RIMS2: variants seen among roughly 807,000 people sequenced by gnomAD.
RIMS2 encodes regulating synaptic membrane exocytosis protein 2.
A neutral mutation model predicts 174.4 loss-of-function variants in RIMS2; 59 were observed. The observed-to-expected ratio is 0.34, with a 90% CI of 0.27 to 0.42. RIMS2 has a LOEUF of 0.42. Among genes scored for constraint, RIMS2 ranks in the 10% least tolerant of loss-of-function variants. RIMS2 has a pLI of 1.00. For missense variants in RIMS2, 1,620 were observed against 1,666.3 expected (o/e 0.97, Z 0.48); for synonymous variants, 606 against 572.5 (o/e 1.06, Z -0.84).
chr8:103,761,066 T>A (rs2098107529), intron 2 of RIMS2, among the ~76,000 whole-genome samples: 1 of 152,222 alleles, frequency 6.6e-6, no homozygotes, highest in African/African-American at 2.4e-5. Context: ...TCATACGTGC[T>A]AACAACCAGC....
chr8:104,164,282 T>G (rs890106657), intron 19 of RIMS2, among the ~76,000 whole-genome samples: 1 of 152,168 alleles, frequency 6.6e-6, no homozygotes, highest in Non-Finnish European at 1.5e-5. Flanking sequence ...TGTGAAATTA[T>G]CTTACTGGAA....
intron 17 of RIMS2, among the ~76,000 whole-genome samples, chr8:104,009,534 C>G (rs1053934320): frequency 6.6e-6 from 1 of 151,978 alleles, no homozygotes; most frequent in Admixed American, 6.6e-5. Flanking sequence ...TAAGCTCAAG[C>G]CATCTGTCTG....
chr8:104,043,245 T>C (rs191460061), intron 19 of RIMS2, among the ~76,000 whole-genome samples: 1 of 151,502 alleles, frequency 6.6e-6, no homozygotes, highest in Non-Finnish European at 1.5e-5. Context: ...TCTTGATGGC[T>C]TGGGGAAATT....
At chr8:103,881,899 G>A (rs1002283547) in intron 3 of RIMS2, among the ~76,000 whole-genome samples, 4 of 151,334 alleles carry the variant, frequency 2.6e-5, no homozygotes, top group Non-Finnish European at 5.9e-5. Flanking sequence ...AATATATACT[G>A]ATATTATAAC....
exon 18 of RIMS2, chr8:104,013,460 T>C (rs1256548900): frequency 2.5e-6 from 4 of 1,613,568 alleles, no homozygotes; most frequent in Non-Finnish European, 2.5e-6. Context: ...AAGCAGCAGA[T>C]AGACAGCCAT....
chr8:103,744,345 G>A (rs981547712), intron 2 of RIMS2, among the ~76,000 whole-genome samples: 2 of 152,054 alleles, frequency 1.3e-5, no homozygotes, highest in African/African-American at 4.8e-5. Flanking sequence ...CGCCCAGCTA[G>A]GATTTTTATA....
chr8:103,712,207 G>A lies in RIMS2; in HGVS notation c.387+14911G>A, dbSNP rs539246893. Among the ~76,000 whole-genome samples the A allele has an allele frequency of 8.3e-4, 116 of 139,082 alleles. 2 individuals carry two copies. Among genetic ancestry groups the A allele is most frequent in the Non-Finnish European group, 9.0e-4 (59 of 65,470 alleles). The allele number at this position is 139,082 out of a possible 152,430, so 91.2% of individuals were successfully genotyped here. A position where few individuals can be genotyped will look rare whatever the true frequency, so the allele number is the denominator to read the frequency against. Reference sequence around the variant, plus strand: ...TTTTTTTAAATAGAGACAGGGTCTCGCCACCTTGCCCAGGAAATAGTCCCG... The same window carrying A: ...TTTTTTTAAATAGAGACAGGGTCTCACCACCTTGCCCAGGAAATAGTCCCG... On this transcript the variant is annotated intron_variant, in intron 2 of 23. Transcript: ENST00000504942.
intron 3 of RIMS2, among the ~76,000 whole-genome samples, chr8:103,801,555 A>G (rs1231315752): frequency 1.3e-5 from 2 of 152,174 alleles, no homozygotes; most frequent in Non-Finnish European, 2.9e-5. Flanking sequence ...TCTTACACCT[A>G]TATTTAATTC....
intron 19 of RIMS2, among the ~76,000 whole-genome samples, chr8:104,134,413 C>T (rs1026929074): frequency 1.3e-5 from 2 of 152,118 alleles, no homozygotes; most frequent in African/African-American, 4.8e-5. Context: ...TGCAGTGAGC[C>T]AAGATCGTGC....
chr8:103,587,108 G>T (rs2093964645), intron 1 of RIMS2, among the ~76,000 whole-genome samples: 1 of 151,856 alleles, frequency 6.6e-6, no homozygotes, highest in South Asian at 2.1e-4. Flanking sequence ...AAATCTAGAA[G>T]AAATGGACAA....
In RIMS2 at chr8:104,006,639, T is replaced by G. The variant is rs562301602; in HGVS notation, c.3045-6803T>G. 4.2e-4 allele frequency among the ~76,000 whole-genome samples: 42 copies of G among 99,030 alleles called. No homozygotes were observed. The East Asian group carries it at 8.5e-3, about 20-fold the overall frequency. The allele number at this position is 99,030 out of a possible 152,430, so 65.0% of individuals were successfully genotyped here. The stretch of plus-strand genomic sequence containing the variant: ...AGAGTGATCTATTTCTCTCTCTCTC[T>G]CTCTCTCTCTCTCTCTCTCTCTCTC... On this transcript the variant is annotated intron_variant, in intron 17 of 23. Coordinates refer to ENST00000504942, the Ensembl canonical transcript of RIMS2.
chr8:103,773,926 G>T (rs923180540), intron 3 of RIMS2, among the ~76,000 whole-genome samples: 43 of 108,328 alleles, frequency 4.0e-4, no homozygotes, highest in African/African-American at 1.5e-3. Context: ...CAGATCACTT[G>T]AGGTGAAGAG....
At chr8:104,055,484 T>G (rs555846852) in intron 19 of RIMS2, among the ~76,000 whole-genome samples, 8 of 152,172 alleles carry the variant, frequency 5.3e-5, no homozygotes, top group Non-Finnish European at 1.2e-4. Context: ...ATTAACACAA[T>G]GAATTTGGCT....
intron 19 of RIMS2, among the ~76,000 whole-genome samples, chr8:104,083,073 C>G (rs2097455920): frequency 6.6e-6 from 1 of 152,170 alleles, no homozygotes; most frequent in Admixed American, 6.6e-5. Context: ...GTTGATGCTT[C>G]TCTGTCTTCT....
chr8:104,073,827 T>A lies in RIMS2; in HGVS notation c.3334+59212T>A, dbSNP rs146489560. On this transcript the variant is annotated intron_variant, in intron 19 of 23. Coordinates refer to ENST00000504942, the Ensembl canonical transcript of RIMS2. ...GGCACCCATTCACAGATCTCAAAGATGTATTGGGGAAAGCAATTTGATTAA... is the reference window on the plus strand; with the variant it reads ...GGCACCCATTCACAGATCTCAAAGAAGTATTGGGGAAAGCAATTTGATTAA... Among the ~76,000 whole-genome samples, 146 of 152,290 alleles carry A rather than the reference T, an allele frequency of 9.6e-4. 1 individual carries two copies. The highest frequency in any genetic ancestry group is 1.7e-3 in the Non-Finnish European group (118 of 68,018).
chr8:103,744,747 GA>G (rs1564479371), intron 2 of RIMS2, among the ~76,000 whole-genome samples: 1 of 152,182 alleles, frequency 6.6e-6, no homozygotes, highest in African/African-American at 2.4e-5. Flanking sequence ...AAATACCCCA[GA>G]CCCCTTGCTC....
chr8:103,902,517 CAT>C (rs1339488567), intron 4 of RIMS2, among the ~76,000 whole-genome samples: 1 of 152,142 alleles, frequency 6.6e-6, no homozygotes, highest in African/African-American at 2.4e-5. Context: ...CTCCATGGAA[CAT>C]AGTTTGCAAA....
intron 19 of RIMS2, among the ~76,000 whole-genome samples, chr8:104,147,195 CTTCTCTTCTT>C (rs2098647872): frequency 6.6e-6 from 1 of 151,998 alleles, no homozygotes; most frequent in South Asian, 2.1e-4. Flanking sequence ...TTTCTCTTCT[CTTCTCTTCTT>C]TTCTCTTCTC....
chr8:104,057,028 A>G (rs2096880766), intron 19 of RIMS2, among the ~76,000 whole-genome samples: 5 of 148,956 alleles, frequency 3.4e-5, no homozygotes, highest in South Asian at 2.1e-4. Flanking sequence ...ATCTTCCCCT[A>G]TGGACCAAGT....
Sources: gnomAD v4.1 joint callset for allele counts (sites outside exome capture counted in the v4.1 genomes callset) on GRCh38, gnomAD v4.1.1 for gene constraint, MANE v1.5 for transcripts, NCBI Gene and HGNC (gene_info 2026-07-23, HGNC 2026-07-21) for gene names.